Variants in DPP6 observed in about 807,000 individuals in gnomAD.
The protein encoded by DPP6 is A-type potassium channel modulatory protein DPP6.
A neutral mutation model predicts 122.6 loss-of-function variants in DPP6; 69 were observed. The ratio of observed to expected loss-of-function variants is 0.56; its 90% confidence interval spans 0.46 to 0.69. DPP6 has a LOEUF of 0.69. DPP6 is among the 30% of genes least tolerant of loss of function. DPP6 has a pLI of 0.00. For missense variants in DPP6, 928 were observed against 1,116.9 expected (o/e 0.83, Z 2.41); for synonymous variants, 418 against 433.1 (o/e 0.97, Z 0.43).
intron 5 of DPP6, among the ~76,000 whole-genome samples, chr7:154,607,797 A>G (rs1380688869): frequency 6.0e-5 from 7 of 117,388 alleles, no homozygotes; most frequent in African/African-American, 1.9e-4. Flanking sequence ...TAATGTGCTA[A>G]ATATGTGTTA....
chr7:154,481,369 G>GTA lies in DPP6; in HGVS notation c.457+6333_457+6334insAT, dbSNP rs1251030713. Among the ~76,000 whole-genome samples, 1 of 151,666 alleles carries GTA rather than the reference G, an allele frequency of 6.6e-6. No individual in the cohort carries two copies. Among genetic ancestry groups the GTA allele is most frequent in the Non-Finnish European group, 1.5e-5 (1 of 67,922 alleles). ...GGGGTGTGTGTGTGTGTGTGTGTGTGTGTGTCTGTGTGTGTGTGCATGTCA... is the reference window on the plus strand; with the variant it reads ...GGGGTGTGTGTGTGTGTGTGTGTGTGTATGTGTCTGTGTGTGTGTGCATGTCA... On this transcript the variant is annotated intron_variant, in intron 3 of 25. Transcript: ENST00000377770. This position sits in a 1 kb window ranked among gnomAD's most constrained non-coding sequence, Gnocchi z 4.2.
intron 8 of DPP6, among the ~76,000 whole-genome samples, chr7:154,768,963 C>T (rs1796071028): frequency 6.6e-6 from 1 of 152,178 alleles, no homozygotes; most frequent in Admixed American, 6.5e-5. Flanking sequence ...GGCGACTCAG[C>T]CTCTGCCAGA....
At chr7:154,289,101 T>A (rs1291720639) in intron 1 of DPP6, among the ~76,000 whole-genome samples, 2 of 151,804 alleles carry the variant, frequency 1.3e-5, no homozygotes, top group Non-Finnish European at 2.9e-5. Context: ...CGGAAGCTGA[T>A]GAAAGAAAGA....
chr7:154,093,637 C>CACAT (rs1805086205), intron 1 of DPP6: 1 of 149,130 alleles, frequency 6.7e-6, no homozygotes, highest in African/African-American at 2.5e-5. Flanking sequence ...ACACACCATA[C>CACAT]ACACACACAC....
rs552021930 is a variant in DPP6, at chr7:154,661,572, T to A, written c.681-7788T>A. ...CTAGTATTCATATAGTCATGGTGAA[T>A]CACCATGGCGTATTGGCCGTAGTGT... On this transcript the variant is annotated intron_variant, in intron 6 of 25. Transcript: ENST00000377770. Among the ~76,000 whole-genome samples the A allele has an allele frequency of 6.0e-3, 691 of 114,894 alleles. 8 individuals are homozygous for A. The East Asian group carries it at 0.069, about 11-fold the overall frequency. The allele number at this position is 114,894 out of a possible 152,430, so 75.4% of individuals were successfully genotyped here.
chr7:154,023,180 A>T (rs912190059), intron 1 of DPP6, among the ~76,000 whole-genome samples: 4 of 151,910 alleles, frequency 2.6e-5, no homozygotes, highest in Non-Finnish European at 5.9e-5. Flanking sequence ...CTGGGAAGTG[A>T]CAAAGGTGCA....
chr7:154,210,893 T>C (rs1799705286), intron 1 of DPP6, among the ~76,000 whole-genome samples: 1 of 152,076 alleles, frequency 6.6e-6, no homozygotes, highest in African/African-American at 2.4e-5. Context: ...GGGACAGTGC[T>C]AACCACTTTA....
chr7:154,109,711 AG>A (rs1348362512), intron 1 of DPP6, among the ~76,000 whole-genome samples: 2 of 151,516 alleles, frequency 1.3e-5, no homozygotes, highest in Non-Finnish European at 2.9e-5. Flanking sequence ...CTCCCTGAGA[AG>A]GGGAAAGACA....
chr7:154,146,816 G>A (rs908771487), intron 1 of DPP6, among the ~76,000 whole-genome samples: 4 of 148,416 alleles, frequency 2.7e-5, no homozygotes, highest in Non-Finnish European at 4.4e-5. Context: ...AAGCCGCGCG[G>A]CTGCCAGGCA....
At chr7:154,645,161 C>T (rs1836376378) in intron 6 of DPP6, among the ~76,000 whole-genome samples, 1 of 149,360 alleles carries the variant, frequency 6.7e-6, no homozygotes, top group East Asian at 2.0e-4. Flanking sequence ...CTCCCAGGTT[C>T]ACACCATTCT....
the DPP6 span, among the ~76,000 whole-genome samples, chr7:153,877,350 T>G: frequency 1.3e-3 from 195 of 152,276 alleles, 3 homozygotes; most frequent in African/African-American, 4.1e-3. Flanking sequence ...CTTTTTAAAC[T>G]TTTTGCTAAA....
intron 1 of DPP6, among the ~76,000 whole-genome samples, chr7:154,222,150 A>T (rs894697137): frequency 2.0e-5 from 3 of 152,086 alleles, no homozygotes; most frequent in Non-Finnish European, 2.9e-5. Flanking sequence ...ATATTCTGTA[A>T]CCCATTTTCA....
At chr7:154,313,854 A>AGCCAGATATTTTGATGT (rs1807187695) in intron 1 of DPP6, among the ~76,000 whole-genome samples, 1 of 150,668 alleles carries the variant, frequency 6.6e-6, no homozygotes, top group Non-Finnish European at 1.5e-5. Flanking sequence ...GATTTTGATG[A>AGCCAGATATTTTGATGT]GCCAGATATT....
the DPP6 span, among the ~76,000 whole-genome samples, chr7:153,855,979 A>T: frequency 0.19 from 28,628 of 152,144 alleles, 2,779 homozygotes; most frequent in South Asian, 0.26. Flanking sequence ...AAGTTAAACA[A>T]TTGCCTCAAT....
chr7:154,513,485 G>T lies in DPP6; in HGVS notation c.458-27047G>T, dbSNP rs192885204. Among the ~76,000 whole-genome samples, 9 of 152,272 alleles carry T rather than the reference G, an allele frequency of 5.9e-5. No individual in the cohort carries two copies. The East Asian group carries it at 1.5e-3, about 26-fold the overall frequency. ...TGTTGAGACTAACAAGAAGATTTTGGATAAGTGGATAACAATCTCGCACCC... is the reference window on the plus strand; with the variant it reads ...TGTTGAGACTAACAAGAAGATTTTGTATAAGTGGATAACAATCTCGCACCC... On this transcript the variant is annotated intron_variant, in intron 3 of 25. Transcript: ENST00000377770.
intron 1 of DPP6, among the ~76,000 whole-genome samples, chr7:154,004,182 A>G (rs1398976429): frequency 1.3e-5 from 2 of 152,122 alleles, no homozygotes; most frequent in Non-Finnish European, 2.9e-5. Flanking sequence ...TACATTGTTG[A>G]GGTTAAGTTT....
chr7:154,624,218 C>T lies in DPP6; in HGVS notation c.628-13603C>T, dbSNP rs1039427299. Among the ~76,000 whole-genome samples, 1 of 151,846 alleles carries T rather than the reference C, an allele frequency of 6.6e-6. No homozygotes were observed. Among genetic ancestry groups the T allele is most frequent in the Non-Finnish European group, 1.5e-5 (1 of 68,000 alleles). On this transcript the variant is annotated intron_variant, in intron 5 of 25. Coordinates refer to ENST00000377770, the MANE Select transcript of DPP6 (RefSeq NM_130797.4). The surrounding 1 kb of genome is among the most constrained non-coding windows in gnomAD (Gnocchi z 4.7). The stretch of plus-strand genomic sequence containing the variant: ...TGGCGGGTGCCTATAAATCCAGCTA[C>T]TTGGGAGGCTGAGGCAGAGAATTGC...
rs762988697 is a variant in DPP6 at position 154,486,118 on chromosome 7, C to A, written c.457+11081C>A. On this transcript the variant is annotated intron_variant, in intron 3 of 25. Transcript: ENST00000377770. The surrounding 1 kb of genome is among the most constrained non-coding windows in gnomAD (Gnocchi z 4.5). ...CCTTGCCTCCCCGGTCTCCTCACCA[C>A]CCCTACTCATGGCCTCTATTTTGTT... 2.0e-5 allele frequency among the ~76,000 whole-genome samples: 3 copies of A among 151,724 alleles called. No homozygotes were observed. The highest frequency in any genetic ancestry group is 2.0e-4 in the Admixed American group (3 of 15,256).
intron 1 of DPP6, among the ~76,000 whole-genome samples, chr7:154,385,152 G>A (rs1813982723): frequency 6.6e-6 from 1 of 152,066 alleles, no homozygotes; most frequent in African/African-American, 2.4e-5. Flanking sequence ...TATATTTTTA[G>A]TAGAGACAGG....
Sources: allele counts gnomAD v4.1 joint callset (sites outside exome capture counted in the v4.1 genomes callset), GRCh38; gene constraint gnomAD v4.1.1; non-coding constraint Gnocchi (gnomAD v3.1); transcripts MANE v1.5; gene names NCBI Gene and HGNC (gene_info 2026-07-23, HGNC 2026-07-21).